The following ADGRV1 variants were observed in gnomAD, a reference collection of about 807,000 sequenced individuals.
ADGRV1 encodes adhesion G protein-coupled receptor V1.
In ADGRV1, 359 loss-of-function variants were observed where a neutral mutation model predicts 596.2. The ratio of observed to expected loss-of-function variants is 0.60; its 90% CI spans 0.55 to 0.66. The LOEUF (loss-of-function observed/expected upper bound fraction) is 0.66, where lower values mean the gene tolerates loss of function less well. Among genes scored for constraint, ADGRV1 ranks in the 30% least tolerant of loss-of-function variants. The pLI is 0.00. For missense variants in ADGRV1, 7,274 were observed against 7,575.6 expected (o/e 0.96, Z 1.48); for synonymous variants, 2,681 against 2,679.2 (o/e 1.00, Z -0.02).
At chr5:90,626,791 A>C (rs1764820711) in intron 6 of ADGRV1, among the ~76,000 whole-genome samples, 1 of 152,228 alleles carries the variant, frequency 6.6e-6, no homozygotes, top group South Asian at 2.1e-4. Flanking sequence ...TTCACAAGGA[A>C]AACTAACAAT....
rs1328465679 is a variant in ADGRV1 at position 91,145,115 on chromosome 5, T to G, written c.18433-4915T>G. Among the ~76,000 whole-genome samples, 4 of 152,384 alleles carry G rather than the reference T, an allele frequency of 2.6e-5. No homozygotes were observed. In the South Asian group the frequency reaches 6.2e-4, roughly 24 times the overall value. On this transcript the variant is annotated intron_variant, in intron 87 of 89. Transcript: ENST00000405460. ...ATACAATCTGCGTTTAAACATTCTTTTCTTTCCATTTTAAGCATTTGTGTT... is the reference window on the plus strand; with the variant it reads ...ATACAATCTGCGTTTAAACATTCTTGTCTTTCCATTTTAAGCATTTGTGTT...
chr5:91,079,641 A>G (rs1789164341), intron 86 of ADGRV1, among the ~76,000 whole-genome samples: 1 of 152,174 alleles, frequency 6.6e-6, no homozygotes, highest in Non-Finnish European at 1.5e-5. Context: ...AACACCCCTG[A>G]TTTACAATGT....
intron 50 of ADGRV1, among the ~76,000 whole-genome samples, chr5:90,736,977 ATTT>A: frequency 6.8e-6 from 1 of 146,282 alleles, no homozygotes; most frequent in Non-Finnish European, 1.5e-5. Context: ...GCTCTTTGTT[ATTT>A]GCTTCCTTCT....
intron 30 of ADGRV1, 142 bp downstream of exon 30, chr5:90,690,218 A>G (rs2149617856): frequency 1.7e-6 from 1 of 601,580 alleles, no homozygotes; most frequent in South Asian, 2.2e-5. Context: ...GGACATCTGT[A>G]CACAGTTATT....
At chr5:90,851,134 TGA>T (rs141999531) in intron 79 of ADGRV1, among the ~76,000 whole-genome samples, 2,822 of 81,278 alleles carry the variant, frequency 0.035, 78 homozygotes, top group East Asian at 0.16. Context: ...TGTGTGTGTG[TGA>T]GAGAGAGAGA....
chr5:90,830,227 C>T (rs144501932), intron 77 of ADGRV1, among the ~76,000 whole-genome samples: 1 of 152,178 alleles, frequency 6.6e-6, no homozygotes, highest in African/African-American at 2.4e-5. Flanking sequence ...ACGACAGAGT[C>T]CACAGTGCAG....
intron 59 of ADGRV1, among the ~76,000 whole-genome samples, chr5:90,769,056 G>A (rs1391101379): frequency 6.6e-6 from 1 of 152,170 alleles, no homozygotes; most frequent in African/African-American, 2.4e-5. Flanking sequence ...ACCATGCCAG[G>A]AAGAGCATTT....
intron 1 of ADGRV1, among the ~76,000 whole-genome samples, chr5:90,568,293 A>G (rs961280959): frequency 2.6e-5 from 4 of 151,856 alleles, no homozygotes; most frequent in Non-Finnish European, 5.9e-5. Flanking sequence ...GGTGCATCCC[A>G]TAAGTTTTGG....
chr5:90,664,172 G>A lies in ADGRV1; in HGVS notation c.4752+5894G>A, dbSNP rs1770888676. ...AAGAAAGTCATTGGTAGCTTGATGG[G>A]GATGGCATTGAATCTGTAAATTACC... On this transcript the variant is annotated intron_variant, in intron 21 of 89. Coordinates refer to ENST00000405460, the MANE Select transcript of ADGRV1 (RefSeq NM_032119.4). 3.4e-5 allele frequency among the ~76,000 whole-genome samples: 5 copies of A among 148,066 alleles called. No homozygotes were observed. In the South Asian group the frequency reaches 1.1e-3, roughly 33 times the overall value.
intron 85 of ADGRV1, among the ~76,000 whole-genome samples, chr5:91,042,863 G>A: frequency 6.6e-6 from 1 of 152,122 alleles, no homozygotes; most frequent in Non-Finnish European, 1.5e-5. Flanking sequence ...ATGTGATTCA[G>A]AGTGCTGAAA....
At chr5:90,601,667 A>T (rs1389086179) in intron 1 of ADGRV1, among the ~76,000 whole-genome samples, 1 of 152,230 alleles carries the variant, frequency 6.6e-6, no homozygotes. Flanking sequence ...AAACATTAAC[A>T]GCCTGCTCAT....
In ADGRV1 at chr5:90,587,733, A is replaced by G. The variant is rs1316918248; in HGVS notation, c.23-27102A>G. On this transcript the variant is annotated intron_variant, in intron 1 of 89. Coordinates refer to ENST00000405460, the MANE Select transcript of ADGRV1 (RefSeq NM_032119.4). ...CCACCATGCCCAGCTAATTTTTTGT[A>G]TTTTTAGTAGAGATGAGGTTTCACC... 3.3e-5 allele frequency among the ~76,000 whole-genome samples: 5 copies of G among 151,708 alleles called. No homozygotes were observed. In the East Asian group the frequency reaches 9.7e-4, roughly 29 times the overall value.
At chr5:90,717,595 A>G (rs1356039466) in intron 43 of ADGRV1, 1 of 152,266 alleles carries the variant, frequency 6.6e-6, no homozygotes, top group East Asian at 1.9e-4. Flanking sequence ...TTCCGGGTTC[A>G]TGCCATTCTC....
intron 70 of ADGRV1, among the ~76,000 whole-genome samples, chr5:90,800,878 C>A (rs746361208): frequency 7.2e-5 from 11 of 151,980 alleles, no homozygotes; most frequent in Non-Finnish European, 1.5e-4. Flanking sequence ...ACAATGAGAA[C>A]TCATGGACAC....
At chr5:91,132,689 G>T (rs1023983846) in intron 87 of ADGRV1, among the ~76,000 whole-genome samples, 1 of 152,224 alleles carries the variant, frequency 6.6e-6, no homozygotes, top group African/African-American at 2.4e-5. Context: ...TGATGAGGTG[G>T]CACCAGGCCC....
At chr5:91,053,089 T>C (rs1052870044) in intron 85 of ADGRV1, among the ~76,000 whole-genome samples, 3 of 152,214 alleles carry the variant, frequency 2.0e-5, no homozygotes, top group Admixed American at 6.5e-5. Context: ...GTCATTTTCA[T>C]TGGGTTGAAG....
intron 85 of ADGRV1, among the ~76,000 whole-genome samples, chr5:90,997,752 T>A (rs930789677): frequency 1.3e-5 from 2 of 152,160 alleles, no homozygotes; most frequent in East Asian, 3.9e-4. Flanking sequence ...AACTCAGGCA[T>A]GTTCTAGTTG....
In ADGRV1 at chr5:90,934,622, A is replaced by G. The variant is rs935475117; in HGVS notation, c.17857-30793A>G. 2.6e-5 allele frequency among the ~76,000 whole-genome samples: 4 copies of G among 152,174 alleles called. No individual in the cohort carries two copies. In the South Asian group the frequency reaches 6.2e-4, roughly 24 times the overall value. ...TTTGAATTGTTGTTCCAGACTTTCA[A>G]TTGTTGGGTCCTTGAGATCACAGGG... On this transcript the variant is annotated intron_variant, in intron 83 of 89. Coordinates refer to ENST00000405460, the MANE Select transcript of ADGRV1 (RefSeq NM_032119.4).
intron 60 of ADGRV1, among the ~76,000 whole-genome samples, chr5:90,774,689 A>G (rs1485960351): frequency 3.9e-5 from 6 of 152,166 alleles, no homozygotes; most frequent in Non-Finnish European, 8.8e-5. Flanking sequence ...TCTCAATTAC[A>G]TTAAAAATTA....
Sources: gnomAD v4.1 joint callset for allele counts (sites outside exome capture counted in the v4.1 genomes callset) on GRCh38, gnomAD v4.1.1 for gene constraint, MANE v1.5 for transcripts, NCBI Gene and HGNC (gene_info 2026-07-23, HGNC 2026-07-21) for gene names.